Variants in TECPR2 observed in about 807,000 individuals in gnomAD.
TECPR2 encodes the protein tectonin beta-propeller repeat containing 2.
A neutral mutation model predicts 138.1 loss-of-function variants in TECPR2; 65 were observed. The ratio of observed to expected loss-of-function variants is 0.47; its 90% CI spans 0.39 to 0.58. The LOEUF is 0.58. TECPR2 is among the 20% of genes least tolerant of loss of function. The pLI, the probability that TECPR2 is intolerant of heterozygous loss-of-function variation, is 0.00. For missense variants in TECPR2, 1,553 were observed against 1,824.5 expected (o/e 0.85, Z 2.71); for synonymous variants, 746 against 749.8 (o/e 0.99, Z 0.08).
At chr14:102,481,173 T>C (rs1282756183) in intron 17 of TECPR2, among the ~76,000 whole-genome samples, 2 of 152,118 alleles carry the variant, frequency 1.3e-5, no homozygotes, top group African/African-American at 2.4e-5. Flanking sequence ...CCACTATGTA[T>C]TTGTATTTTT....
At chr14:102,482,589 G>A (rs1890916306) in intron 17 of TECPR2, among the ~76,000 whole-genome samples, 1 of 152,096 alleles carries the variant, frequency 6.6e-6, no homozygotes, top group African/African-American at 2.4e-5. Flanking sequence ...CCCGGATCCC[G>A]GGTCTTCCTC....
intron 10 of TECPR2, chr14:102,438,447 C>A: frequency 2.0e-6 from 1 of 488,436 alleles, no homozygotes; most frequent in Non-Finnish European, 3.6e-6. Context: ...TTTTTGTTTT[C>A]TTTATTAATT....
chr14:102,465,036 C>A, intron 16 of TECPR2, 105 bp from the exon 17 acceptor site: 2 of 1,393,434 alleles, frequency 1.4e-6, no homozygotes, highest in Non-Finnish European at 2.0e-6. Context: ...GCAAATGCAG[C>A]CTCATTTCTT....
intron 16 of TECPR2, among the ~76,000 whole-genome samples, chr14:102,459,291 A>G (rs1483783373): frequency 6.6e-6 from 1 of 152,180 alleles, no homozygotes; most frequent in African/African-American, 2.4e-5. Flanking sequence ...TAACTCTGGG[A>G]TGTGAGTTTT....
At chr14:102,440,208 G>T (rs1889791661) in intron 10 of TECPR2, among the ~76,000 whole-genome samples, 3 of 152,176 alleles carry the variant, frequency 2.0e-5, no homozygotes, top group Non-Finnish European at 4.4e-5. Context: ...GGCCCAGGAG[G>T]AAAGTGAAGC....
At chr14:102,453,954 A>G (rs6575915) in intron 16 of TECPR2, among the ~76,000 whole-genome samples, 58,326 of 151,774 alleles carry the variant, frequency 0.38, 11,482 homozygotes, top group Middle Eastern at 0.51. Flanking sequence ...TTCAAGACCA[A>G]CCTGGCCAAC....
At chr14:102,417,434 A>T (rs1207313499) in intron 5 of TECPR2, among the ~76,000 whole-genome samples, 3 of 152,242 alleles carry the variant, frequency 2.0e-5, no homozygotes, top group African/African-American at 7.2e-5. Flanking sequence ...ACTGTCGGTC[A>T]GCAGGAGGAG....
At chr14:102,394,542 G>T (rs1368196501) in intron 2 of TECPR2, among the ~76,000 whole-genome samples, 2 of 152,132 alleles carry the variant, frequency 1.3e-5, no homozygotes, top group African/African-American at 4.8e-5. Flanking sequence ...GGTCAAGGCT[G>T]CAGTGAGCCA....
At chr14:102,444,950 A>G (rs1889930857) in intron 12 of TECPR2, among the ~76,000 whole-genome samples, 1 of 152,186 alleles carries the variant, frequency 6.6e-6, no homozygotes. Flanking sequence ...ATCTCAAAAA[A>G]CAGACAGACA....
intron 1 of TECPR2, among the ~76,000 whole-genome samples, chr14:102,375,841 G>C (rs1470243423): frequency 6.6e-6 from 1 of 152,214 alleles, no homozygotes; most frequent in African/African-American, 2.4e-5. Flanking sequence ...TCTTGAGTGA[G>C]TCTCATGACC....
intron 16 of TECPR2, among the ~76,000 whole-genome samples, chr14:102,458,966 C>CATATAT (rs3068229): frequency 0.012 from 1,604 of 138,324 alleles, 16 homozygotes; most frequent in South Asian, 0.018. Context: ...AAAATACACA[C>CATATAT]ATATATATAT....
At chr14:102,464,352 G>A (rs369961102) in intron 16 of TECPR2, among the ~76,000 whole-genome samples, 8 of 152,222 alleles carry the variant, frequency 5.3e-5, no homozygotes, top group African/African-American at 9.6e-5. Context: ...ATAGCAGTAA[G>A]AAATAAATAA....
At position 102,363,737 on chromosome 14, in the gene TECPR2, C is replaced by T. The variant is rs3759560; in HGVS notation, c.-73+621C>T. 5.8e-3 allele frequency among the ~76,000 whole-genome samples: 877 copies of T among 152,352 alleles called. 34 individuals are homozygous for T. Among genetic ancestry groups the T allele is most frequent in the East Asian group, 3.1e-3 (16 of 5,182 alleles). On this transcript the variant is annotated intron_variant, in intron 1 of 19. Coordinates refer to ENST00000359520, the MANE Select transcript of TECPR2 (RefSeq NM_014844.5). ...GCTCTGTGCTGGGGCAAGTGCCCTA[C>T]CTCACTCCGCTCCAGTTTCATCACC...
At position 102,448,866 on chromosome 14, in the gene TECPR2, CA is replaced by C. The variant is rs879456243; in HGVS notation, c.3076-751del. On this transcript the variant is annotated intron_variant, in intron 13 of 19. Transcript: ENST00000359520. The stretch of plus-strand genomic sequence containing the variant: ...TGGGTGGCAGGGCAAGACTATGTCT[CA>C]AAAAAAAAAAAGTTCATCACTCTAC... Among the ~76,000 whole-genome samples, 63 of 140,132 alleles carry C rather than the reference CA, an allele frequency of 4.5e-4. 1 individual carries two copies. Among genetic ancestry groups the C allele is most frequent in the Admixed American group, 6.4e-4 (9 of 14,140 alleles). 91.9% of individuals were successfully genotyped at this position (140,132 alleles called of 152,430 possible). A position where few individuals can be genotyped will look rare whatever the true frequency, so the allele number is the denominator to read the frequency against.
At chr14:102,457,210 G>A (rs183382076) in intron 16 of TECPR2, among the ~76,000 whole-genome samples, 340 of 152,070 alleles carry the variant, frequency 2.2e-3, no homozygotes, top group African/African-American at 7.2e-3. Context: ...TCAGCCTCCC[G>A]AGTAGCTGGG....
In TECPR2 at chr14:102,497,703, C is replaced by T. The variant is rs142318405; in HGVS notation, c.4065C>T (p.Ser1355=). ...AGDYWKKIPG[S]VSCFTVTASD... ...ACTACTGGAAGAAAATTCCCGGCAGCGTGTCGTGTTTCACAGGCAGGTGCC... is the reference window on the plus strand; with the variant it reads ...ACTACTGGAAGAAAATTCCCGGCAGTGTGTCGTGTTTCACAGGCAGGTGCC... The change falls in exon 19 of 20, where the codon AGC becomes AGT. Residue 1355 remains serine (S), a synonymous_variant. Coordinates refer to ENST00000359520, the MANE Select transcript of TECPR2 (RefSeq NM_014844.5). 7.5e-5 allele frequency: 120 copies of T among 1,606,494 alleles called. No homozygotes were observed. The highest frequency in any genetic ancestry group is 2.7e-4 in the Admixed American group (16 of 59,514).
intron 2 of TECPR2, among the ~76,000 whole-genome samples, chr14:102,381,553 G>A (rs550394073): frequency 2.0e-5 from 3 of 152,208 alleles, no homozygotes; most frequent in Admixed American, 6.5e-5. Context: ...CAGCCTAGGC[G>A]ACAGAGTGAG....
chr14:102,444,889 G>A (rs908160573), intron 12 of TECPR2, among the ~76,000 whole-genome samples: 1 of 152,130 alleles, frequency 6.6e-6, no homozygotes, highest in Non-Finnish European at 1.5e-5. Flanking sequence ...AAGTTGCAGA[G>A]AGCTGAGATC....
chr14:102,474,782 G>A (rs1281937745), intron 17 of TECPR2, among the ~76,000 whole-genome samples: 2 of 152,024 alleles, frequency 1.3e-5, no homozygotes, highest in African/African-American at 4.8e-5. Context: ...TTTCTTCTCC[G>A]AGGCACGTCT....
Sources: gnomAD v4.1 joint callset for allele counts (sites outside exome capture counted in the v4.1 genomes callset) on GRCh38, gnomAD v4.1.1 for gene constraint, MANE v1.5 for transcripts, NCBI Gene and HGNC (gene_info 2026-07-23, HGNC 2026-07-21) for gene names.